LUC7L: variants seen among roughly 807,000 people sequenced by gnomAD.
The protein encoded by LUC7L is putative RNA-binding protein Luc7-like 1.
In LUC7L, 29 loss-of-function variants were observed where a neutral mutation model predicts 51.1. That is an observed-to-expected ratio of 0.57 (90% CI 0.42 to 0.77). The LOEUF is 0.77. Among genes scored for constraint, LUC7L ranks in the 30% least tolerant of loss-of-function variants. The pLI is 0.00. For synonymous variants in LUC7L, 181 were observed against 180.7 expected, an observed-to-expected ratio of 1.00 and a Z score of -0.01; for missense variants, 403 against 511.9, an observed-to-expected ratio of 0.79 and a Z score of 2.05.
chr16:208,796 G>T, intron 3 of LUC7L: 1 of 173,602 alleles, frequency 5.8e-6, no homozygotes, highest in Non-Finnish European at 1.1e-5. Flanking sequence ...AGCTGTAGAC[G>T]TCAAATTGCT....
rs1418993018 is a variant in LUC7L, at chr16:225,725, T to C, written c.156+1517A>G. ...GTCGCCAACTCCCAACCTCAGGTGA[T>C]CCACCCGCCTCGGCCTCCCAAAGTA... On this transcript the variant is annotated intron_variant, in intron 2 of 9. Coordinates refer to ENST00000293872, the MANE Select transcript of LUC7L (RefSeq NM_201412.3). Among the ~76,000 whole-genome samples the C allele has an allele frequency of 2.0e-5, 3 of 150,968 alleles. No individual in the cohort carries two copies. In the East Asian group the frequency reaches 6.0e-4, roughly 30 times the overall value.
At position 199,053 on chromosome 16, in the gene LUC7L, TG is replaced by T. The variant is rs772080747; in HGVS notation, c.687+8del. On this transcript the variant is annotated splice_region_variant and intron_variant, in intron 6 of 9. Transcript: ENST00000293872. ...CTCCTCAGCTTTCTCCAGAAACAGA[TG>T]AACATACCCTCAACTGATCAAGCTT... 1 of 1,579,100 alleles carries T rather than the reference TG, an allele frequency of 6.3e-7. No individual in the cohort carries two copies. The highest frequency in any genetic ancestry group is 8.6e-7 in the Non-Finnish European group (1 of 1,156,478).
chr16:204,390 G>A (rs2049420269), intron 5 of LUC7L, among the ~76,000 whole-genome samples: 2 of 151,980 alleles, frequency 1.3e-5, no homozygotes, highest in African/African-American at 2.4e-5. Flanking sequence ...AGGTCAGATT[G>A]AGACCATCCT....
intron 7 of LUC7L, 169 bp from the exon 8 acceptor site, chr16:190,739 G>T: frequency 1.6e-6 from 1 of 621,248 alleles, no homozygotes; most frequent in South Asian, 2.0e-5. Context: ...ACCTGGCCAG[G>T]CGTGGTGGCG....
intron 8 of LUC7L, 120 bp downstream of exon 8, chr16:190,421 C>A (rs980443254): frequency 1.7e-5 from 19 of 1,091,278 alleles, no homozygotes; most frequent in Middle Eastern, 4.0e-4. Flanking sequence ...TTGCCCTGTG[C>A]CCTTCACAAG....
At chr16:220,457 T>C (rs984703071) in intron 3 of LUC7L, 192 bp downstream of exon 3, 2 of 531,184 alleles carry the variant, frequency 3.8e-6, no homozygotes, top group Non-Finnish European at 3.3e-6. Flanking sequence ...TATTATCATT[T>C]AGGACACTGA....
intron 3 of LUC7L, chr16:209,120 G>C (rs367931413): frequency 5.3e-5 from 8 of 152,144 alleles, no homozygotes; most frequent in Non-Finnish European, 7.3e-5. Context: ...GGAGGCAGAA[G>C]TTGTAGTGAA....
intron 6 of LUC7L, among the ~76,000 whole-genome samples, chr16:195,940 G>C (rs1189019190): frequency 6.6e-6 from 1 of 152,168 alleles, no homozygotes; most frequent in Non-Finnish European, 1.5e-5. Context: ...ATTTATCAAA[G>C]TCTGTAATAC....
intron 5 of LUC7L, among the ~76,000 whole-genome samples, chr16:205,592 G>C (rs1036494864): frequency 2.0e-5 from 3 of 152,008 alleles, no homozygotes; most frequent in Non-Finnish European, 4.4e-5. Context: ...CAAAAACAGC[G>C]TTTATAAATT....
At chr16:216,975 C>T (rs62032202) in intron 3 of LUC7L, among the ~76,000 whole-genome samples, 1 of 151,972 alleles carries the variant, frequency 6.6e-6, no homozygotes, top group Non-Finnish European at 1.5e-5. Flanking sequence ...AGATTACAGG[C>T]GTGAGCCACC....
At chr16:221,453 G>A (rs1035112482) in intron 2 of LUC7L, among the ~76,000 whole-genome samples, 7 of 152,070 alleles carry the variant, frequency 4.6e-5, no homozygotes, top group African/African-American at 1.4e-4. Context: ...TGTAATCCCA[G>A]CACTTTGGGA....
chr16:227,891 C>G, intron 1 of LUC7L: 1 of 1,001,150 alleles, frequency 1.0e-6, no homozygotes, highest in South Asian at 4.3e-5. Flanking sequence ...AAGAGAGTTG[C>G]TACCTGGGAG....
intron 4 of LUC7L, among the ~76,000 whole-genome samples, chr16:206,692 T>C (rs2049492243): frequency 6.6e-6 from 1 of 152,118 alleles, no homozygotes; most frequent in South Asian, 2.1e-4. Flanking sequence ...CATTCTATGA[T>C]ATGGATGTAC....
chr16:214,601 A>G (rs1014699328), intron 3 of LUC7L, among the ~76,000 whole-genome samples: 2 of 152,180 alleles, frequency 1.3e-5, no homozygotes, highest in African/African-American at 4.8e-5. Context: ...AGCACAGCTC[A>G]CTTCAGCCTT....
chr16:195,630 C>T (rs886913943), intron 6 of LUC7L, among the ~76,000 whole-genome samples: 1 of 152,154 alleles, frequency 6.6e-6, no homozygotes, highest in African/African-American at 2.4e-5. Flanking sequence ...CCTTATGTTG[C>T]CCACGCTGGT....
chr16:224,871 C>T (rs966722065), intron 2 of LUC7L, among the ~76,000 whole-genome samples: 1 of 151,956 alleles, frequency 6.6e-6, no homozygotes, highest in Non-Finnish European at 1.5e-5. Context: ...TCAGCACTTA[C>T]TTTTCAATGT....
chr16:191,572 C>T (rs556807766), intron 7 of LUC7L, among the ~76,000 whole-genome samples: 2 of 152,324 alleles, frequency 1.3e-5, no homozygotes, highest in East Asian at 3.9e-4. Flanking sequence ...AACGGCCGGG[C>T]GTGGTGGCTC....
chr16:210,773 C>T (rs1297787055), intron 3 of LUC7L, among the ~76,000 whole-genome samples: 4 of 152,186 alleles, frequency 2.6e-5, no homozygotes, highest in South Asian at 2.1e-4. Flanking sequence ...AAATGGTGGC[C>T]GGGCGTGGTG....
At chr16:213,394 AT>A (rs113722479) in intron 3 of LUC7L, among the ~76,000 whole-genome samples, 10 of 149,262 alleles carry the variant, frequency 6.7e-5, no homozygotes, top group African/African-American at 1.2e-4. Flanking sequence ...AAGGCCCACA[AT>A]TTTTTTTTTG....
Sources: gnomAD v4.1 joint callset for allele counts (sites outside exome capture counted in the v4.1 genomes callset) on GRCh38, gnomAD v4.1.1 for gene constraint, MANE v1.5 for transcripts, NCBI Gene and HGNC (gene_info 2026-07-23, HGNC 2026-07-21) for gene names.